The following DMD variants were observed in gnomAD, a reference collection of about 807,000 sequenced individuals.
DMD encodes the protein mutant dystrophin.
DMD carries 63 observed loss-of-function variants against 330.1 expected under a neutral mutation model. The observed-to-expected ratio is 0.19, with a 90% CI of 0.16 to 0.24. DMD has a LOEUF of 0.24. DMD is among the 10% of genes least tolerant of loss of function. DMD has a pLI of 1.00. For missense variants in DMD, 3,344 were observed against 2,684.1 expected (o/e 1.25, Z -5.43); for synonymous variants, 1,223 against 959.8 (o/e 1.27, Z -5.07).
At chrX:31,441,663 C>G (rs767565441) in intron 60 of DMD, among the ~76,000 whole-genome samples, 2 of 111,984 alleles carry the variant, frequency 1.8e-5, no homozygotes, top group Non-Finnish European at 1.9e-5. Flanking sequence ...AATATGATGT[C>G]ATAATGGTGG....
intron 44 of DMD, among the ~76,000 whole-genome samples, chrX:32,141,678 AACACACACACACACACACACAC>A (rs56858722): frequency 1.1e-5 from 1 of 88,116 alleles, no homozygotes; most frequent in African/African-American, 4.3e-5. Flanking sequence ...TATAGAGTGC[AACACACACACACACACACACAC>A]ACACACACAC....
At chrX:33,218,762 T>C (rs1283611065) in intron 1 of DMD, among the ~76,000 whole-genome samples, 1 of 111,517 alleles carries the variant, frequency 9.0e-6, no homozygotes, top group Non-Finnish European at 1.9e-5. Context: ...TATAATCCCA[T>C]AGGACAACTG....
intron 1 of DMD, among the ~76,000 whole-genome samples, chrX:33,116,380 G>A (rs1343917933): frequency 3.6e-5 from 4 of 109,970 alleles, no homozygotes; most frequent in Non-Finnish European, 7.6e-5. Context: ...GTGTGGTGGA[G>A]CGCTGGTAGT....
At chrX:32,632,125 T>C (rs1043330355) in intron 11 of DMD, among the ~76,000 whole-genome samples, 2 of 112,115 alleles carry the variant, frequency 1.8e-5, no homozygotes, top group Non-Finnish European at 3.8e-5. Flanking sequence ...ACACTCCTAT[T>C]CCAAAAGGGT....
intron 43 of DMD, among the ~76,000 whole-genome samples, chrX:32,258,366 T>C (rs1342444359): frequency 8.9e-6 from 1 of 111,748 alleles, no homozygotes; most frequent in Non-Finnish European, 1.9e-5. Context: ...CATGCACACG[T>C]ATGTTTATTG....
intron 44 of DMD, among the ~76,000 whole-genome samples, chrX:31,986,150 C>A (rs151284099): frequency 0.033 from 3,656 of 111,250 alleles, 64 homozygotes; most frequent in Non-Finnish European, 0.052. Context: ...GAAGCAGTCC[C>A]AATGCCCAAT....
At chrX:32,190,677 A>G (rs2096971332) in intron 44 of DMD, among the ~76,000 whole-genome samples, 1 of 105,053 alleles carries the variant, frequency 9.5e-6, no homozygotes, top group South Asian at 4.3e-4. Flanking sequence ...ATTTATGCCT[A>G]TTTACTGAAG....
chrX:32,643,165 T>A (rs1373652292), intron 11 of DMD, among the ~76,000 whole-genome samples: 10 of 111,003 alleles, frequency 9.0e-5, no homozygotes, highest in Non-Finnish European at 1.9e-5. Flanking sequence ...TAGATTAGTA[T>A]CTCCTGGCTT....
intron 9 of DMD, among the ~76,000 whole-genome samples, chrX:32,650,706 T>G (rs1602526894): frequency 8.9e-6 from 1 of 112,044 alleles, no homozygotes; most frequent in African/African-American, 3.2e-5. Flanking sequence ...AATAGGTAAT[T>G]TTTAATATAG....
chrX:32,290,988 A>G (rs2097465255), intron 42 of DMD, among the ~76,000 whole-genome samples: 1 of 111,892 alleles, frequency 8.9e-6, no homozygotes, highest in African/African-American at 3.2e-5. Flanking sequence ...ATATCTGAGT[A>G]GTAGAAGTGG....
intron 52 of DMD, among the ~76,000 whole-genome samples, chrX:31,682,118 T>C (rs1936929716): frequency 9.0e-6 from 1 of 111,719 alleles, no homozygotes; most frequent in South Asian, 3.7e-4. Context: ...TCAGATATTT[T>C]GTAAATAAGC....
At chrX:31,691,917 A>T (rs1206471872) in intron 52 of DMD, among the ~76,000 whole-genome samples, 5 of 111,784 alleles carry the variant, frequency 4.5e-5, no homozygotes, top group Non-Finnish European at 9.4e-5. Flanking sequence ...ATTTTAGACC[A>T]AATGGACCTA....
At chrX:31,175,617 C>G (rs2040430790) in intron 71 of DMD, among the ~76,000 whole-genome samples, 1 of 110,647 alleles carries the variant, frequency 9.0e-6, no homozygotes, top group Non-Finnish European at 1.9e-5. Flanking sequence ...AGTCCACAAA[C>G]AAAACTAAGT....
At chrX:32,283,182 T>C (rs752894661) in intron 43 of DMD, among the ~76,000 whole-genome samples, 1 of 111,467 alleles carries the variant, frequency 9.0e-6, no homozygotes, top group East Asian at 2.8e-4. Context: ...GGAACCTAGC[T>C]CTACTAACCC....
At chrX:32,994,665 T>G (rs963101410) in intron 2 of DMD, among the ~76,000 whole-genome samples, 2 of 111,597 alleles carry the variant, frequency 1.8e-5, no homozygotes, top group African/African-American at 3.3e-5. Context: ...CCATACTAAT[T>G]TACATTCCCA....
chrX:33,013,127 A>G (rs1318658942), intron 2 of DMD, among the ~76,000 whole-genome samples: 3 of 110,514 alleles, frequency 2.7e-5, no homozygotes, highest in Non-Finnish European at 5.7e-5. Flanking sequence ...TGTCCCAACA[A>G]TAATAGGTAT....
rs1350021110 is a variant in DMD, at chrX:32,121,393, G to A, written c.6438+95523C>T. On this transcript the variant is annotated intron_variant, in intron 44 of 78. Coordinates refer to ENST00000357033, the MANE Select transcript of DMD (RefSeq NM_004006.3). ...GTGGGGAGTTCTCCCTGCAGCTGGTGGGCTGCTTCCTGCTTCTGATGTCTC... is the reference window on the plus strand; with the variant it reads ...GTGGGGAGTTCTCCCTGCAGCTGGTAGGCTGCTTCCTGCTTCTGATGTCTC... Among the ~76,000 whole-genome samples the A allele has an allele frequency of 2.8e-5, 3 of 106,448 alleles. No homozygotes were observed. In the East Asian group the frequency reaches 9.1e-4, roughly 32 times the overall value. The allele number at this position is 106,448 out of a possible 115,157, so 92.4% of individuals were successfully genotyped here. A position where few individuals can be genotyped will look rare whatever the true frequency, so the allele number is the denominator to read the frequency against.
intron 7 of DMD, among the ~76,000 whole-genome samples, chrX:32,725,898 TATTA>T (rs1217033516): frequency 1.8e-5 from 2 of 111,197 alleles, no homozygotes; most frequent in South Asian, 3.7e-4. Context: ...TCCATGTGAT[TATTA>T]TTTACTGCAT....
intron 1 of DMD, among the ~76,000 whole-genome samples, chrX:33,097,725 C>G (rs2095187113): frequency 9.6e-6 from 1 of 103,922 alleles, no homozygotes; most frequent in African/African-American, 3.5e-5. Flanking sequence ...AAGCAATTCT[C>G]CTGCCTCAGC....
Sources: allele counts gnomAD v4.1 joint callset (sites outside exome capture counted in the v4.1 genomes callset), GRCh38; gene constraint gnomAD v4.1.1; transcripts MANE v1.5; gene names NCBI Gene and HGNC (gene_info 2026-07-23, HGNC 2026-07-21).